NAALADL2: variants seen among roughly 807,000 people sequenced by gnomAD.
NAALADL2 encodes the protein N-acetylated alpha-linked acidic dipeptidase like 2.
In NAALADL2, 76 loss-of-function variants were observed where a neutral mutation model predicts 87.2. The ratio of observed to expected loss-of-function variants is 0.87; its 90% CI spans 0.72 to 1.05. The LOEUF (loss-of-function observed/expected upper bound fraction) is 1.05. NAALADL2 is among the 50% of genes least tolerant of loss of function. The probability of loss-of-function intolerance (pLI) is 0.00; values close to 1 mark genes in which losing one functional copy is unlikely to be tolerated. For missense variants in NAALADL2, 1,089 were observed against 945.8 expected, an observed-to-expected ratio of 1.15 and a Z score of -1.99; for synonymous variants, 354 against 331.0, an observed-to-expected ratio of 1.07 and a Z score of -0.75.
chr3:175,371,411 G>T (rs930308911), intron 5 of NAALADL2, among the ~76,000 whole-genome samples: 1 of 152,028 alleles, frequency 6.6e-6, no homozygotes, highest in African/African-American at 2.4e-5. Context: ...GGGATTACAG[G>T]CGCCCGCCAC....
At chr3:175,221,283 G>A (rs745567096) in intron 2 of NAALADL2, among the ~76,000 whole-genome samples, 1 of 150,750 alleles carries the variant, frequency 6.6e-6, no homozygotes, top group Non-Finnish European at 1.5e-5. Context: ...TAATTTCCAA[G>A]AAGCTAAGAT....
At chr3:174,447,147 A>C (rs1715118479) in intron 1 of NAALADL2, among the ~76,000 whole-genome samples, 1 of 152,276 alleles carries the variant, frequency 6.6e-6, no homozygotes. Context: ...TGTTTACAGG[A>C]GTTACATAAT....
chr3:174,698,125 C>A (rs1350793348), intron 2 of NAALADL2, among the ~76,000 whole-genome samples: 1 of 151,896 alleles, frequency 6.6e-6, no homozygotes, highest in African/African-American at 2.4e-5. Context: ...AATATAAAAC[C>A]GATAAAAATA....
At chr3:175,173,738 AC>A (rs1735236090) in intron 2 of NAALADL2, among the ~76,000 whole-genome samples, 1 of 152,188 alleles carries the variant, frequency 6.6e-6, no homozygotes, top group Admixed American at 6.5e-5. Flanking sequence ...TTCAAACTTC[AC>A]AGTTGCAAGC....
chr3:174,446,216 G>T (rs1715038382), intron 1 of NAALADL2, among the ~76,000 whole-genome samples: 1 of 152,056 alleles, frequency 6.6e-6, no homozygotes, highest in Non-Finnish European at 1.5e-5. Flanking sequence ...GGTACAATTT[G>T]ATAGGAATAT....
At chr3:175,580,018 A>G (rs970019057) in intron 10 of NAALADL2, among the ~76,000 whole-genome samples, 3 of 152,124 alleles carry the variant, frequency 2.0e-5, no homozygotes, top group Non-Finnish European at 2.9e-5. Flanking sequence ...TACCTCTATA[A>G]TAGAGCATTT....
rs1722304826 is a variant in NAALADL2, at chr3:174,633,111, G to A, written c.-115+82474G>A. Among the ~76,000 whole-genome samples, 6 of 151,832 alleles carry A rather than the reference G, an allele frequency of 4.0e-5. No homozygotes were observed. The South Asian group carries it at 1.0e-3, about 26-fold the overall frequency. On this transcript the variant is annotated intron_variant, in intron 2 of 3. Coordinates refer to the NAALADL2 transcript ENST00000434257. ...GATCATGGAACTAGCATGTGACTGA[G>A]TTGATACTACCAGTATTTGGTTGCC...
At chr3:175,174,797 G>A (rs201497575) in intron 2 of NAALADL2, among the ~76,000 whole-genome samples, 139 of 126,354 alleles carry the variant, frequency 1.1e-3, no homozygotes, top group African/African-American at 2.8e-3. Flanking sequence ...GTATATATAT[G>A]TGTGTGTGTG....
intron 2 of NAALADL2, among the ~76,000 whole-genome samples, chr3:174,593,214 G>T (rs1007595440): frequency 1.3e-5 from 2 of 152,198 alleles, no homozygotes; most frequent in East Asian, 3.9e-4. Context: ...TGCTAAATAA[G>T]TTATTCTTAC....
At chr3:174,867,573 A>G (rs962689852) in intron 1 of NAALADL2, among the ~76,000 whole-genome samples, 8 of 152,092 alleles carry the variant, frequency 5.3e-5, no homozygotes, top group Admixed American at 5.2e-4. Context: ...TAGCTAACAT[A>G]TACTATGTTT....
At chr3:175,189,944 T>A (rs745909202) in intron 2 of NAALADL2, among the ~76,000 whole-genome samples, 1 of 152,162 alleles carries the variant, frequency 6.6e-6, no homozygotes, top group African/African-American at 2.4e-5. Flanking sequence ...TGAACTTGCA[T>A]GCCAAGTTTC....
chr3:174,622,477 G>T (rs1341144079), intron 2 of NAALADL2, among the ~76,000 whole-genome samples: 3 of 152,050 alleles, frequency 2.0e-5, no homozygotes, highest in African/African-American at 2.4e-5. Context: ...CAACACAGGG[G>T]TTAGGGGCAC....
At chr3:174,953,297 T>TCCTCTCCCCCCCCCCCCCCCCCCCCC (rs1740651836) in intron 1 of NAALADL2, among the ~76,000 whole-genome samples, 1 of 59,318 alleles carries the variant, frequency 1.7e-5, no homozygotes, top group Non-Finnish European at 2.9e-5. Context: ...CTTTCTTGCC[T>TCCTCTCCCCCCCCCCCCCCCCCCCCC]CCCCTCCCCT....
chr3:174,808,940 T>C (rs970071306), intron 3 of NAALADL2, among the ~76,000 whole-genome samples: 5 of 152,094 alleles, frequency 3.3e-5, no homozygotes, highest in African/African-American at 9.7e-5. Context: ...TTGAGTGATA[T>C]GAAATCATTT....
At chr3:174,883,465 G>T (rs948360131) in intron 1 of NAALADL2, among the ~76,000 whole-genome samples, 3 of 152,106 alleles carry the variant, frequency 2.0e-5, no homozygotes, top group Admixed American at 2.0e-4. Flanking sequence ...GAAATGCACT[G>T]ATCCCCAACC....
rs147909808 is a variant in NAALADL2, at chr3:174,895,346, C to T, written c.43+35896C>T. ...GTAAAAATAGAAATGAAAAAGGAGA[C>T]ATTACAACTGATGCTGTGGAAATTT... On this transcript the variant is annotated intron_variant, in intron 1 of 13. Coordinates refer to ENST00000454872, the MANE Select transcript of NAALADL2 (RefSeq NM_207015.3). Among the ~76,000 whole-genome samples, 324 of 151,984 alleles carry T rather than the reference C, an allele frequency of 2.1e-3. 1 individual carries two copies. Among genetic ancestry groups the T allele is most frequent in the African/African-American group, 6.8e-3 (283 of 41,486 alleles).
chr3:175,197,496 A>G (rs1278259932), intron 2 of NAALADL2, among the ~76,000 whole-genome samples: 3 of 151,980 alleles, frequency 2.0e-5, no homozygotes, highest in Non-Finnish European at 4.4e-5. Flanking sequence ...TTGAAAGAAA[A>G]TCTGTATTTG....
At chr3:175,522,039 T>A (rs1732726766) in intron 9 of NAALADL2, among the ~76,000 whole-genome samples, 1 of 152,198 alleles carries the variant, frequency 6.6e-6, no homozygotes, top group Non-Finnish European at 1.5e-5. Flanking sequence ...CTTTCCCATA[T>A]TATTTTCCTT....
At chr3:174,796,377 G>T (rs1267034368) in intron 3 of NAALADL2, among the ~76,000 whole-genome samples, 1 of 151,966 alleles carries the variant, frequency 6.6e-6, no homozygotes, top group Admixed American at 6.6e-5. Flanking sequence ...CCTCCCAAAT[G>T]CTTTCCACCC....
Sources: allele counts gnomAD v4.1 joint callset (sites outside exome capture counted in the v4.1 genomes callset), GRCh38; gene constraint gnomAD v4.1.1; transcripts MANE v1.5; gene names NCBI Gene and HGNC (gene_info 2026-07-23, HGNC 2026-07-21).